The following RIMS2 variants were observed in gnomAD, a reference collection of about 807,000 sequenced individuals.
RIMS2 encodes the protein regulating synaptic membrane exocytosis protein 2.
Under a neutral mutation model 174.4 loss-of-function variants are expected in RIMS2, and 59 were observed. That is an observed-to-expected ratio of 0.34 (90% confidence interval 0.27 to 0.42). The LOEUF is 0.42. Ranked by LOEUF, RIMS2 falls within the 10% of genes least tolerant of loss-of-function variation. The probability of loss-of-function intolerance (pLI) is 1.00; values close to 1 mark genes in which losing one functional copy is unlikely to be tolerated. For missense variants in RIMS2, 1,620 were observed against 1,666.3 expected, an observed-to-expected ratio of 0.97 and a Z score of 0.48; for synonymous variants, 606 against 572.5, an observed-to-expected ratio of 1.06 and a Z score of -0.84.
At chr8:103,974,533 G>A (rs143712843) in intron 15 of RIMS2, among the ~76,000 whole-genome samples, 1 of 152,244 alleles carries the variant, frequency 6.6e-6, no homozygotes, top group African/African-American at 2.4e-5. Context: ...ACATTGAACT[G>A]TTGTTTTCCT....
chr8:104,113,233 T>G lies in RIMS2; in HGVS notation c.3334+98618T>G, dbSNP rs1260141719. Among the ~76,000 whole-genome samples the G allele has an allele frequency of 2.0e-5, 3 of 152,098 alleles. No individual in the cohort carries two copies. The East Asian group carries it at 5.8e-4, about 29-fold the overall frequency. Reference sequence around the variant, plus strand: ...GGGGGAGCTTTTTAAAAACATAAATTTTCTGGCCTTGACATGAGAATTCTA... The same window carrying G: ...GGGGGAGCTTTTTAAAAACATAAATGTTCTGGCCTTGACATGAGAATTCTA... On this transcript the variant is annotated intron_variant, in intron 19 of 23. Coordinates refer to ENST00000504942, the Ensembl canonical transcript of RIMS2.
intron 1 of RIMS2, among the ~76,000 whole-genome samples, chr8:103,558,942 A>G (rs1351390726): frequency 2.0e-5 from 3 of 151,924 alleles, no homozygotes; most frequent in Non-Finnish European, 2.9e-5. Flanking sequence ...GAGAGCATGC[A>G]TCATTTACAG....
At chr8:103,972,859 A>G (rs560617183) in intron 15 of RIMS2, among the ~76,000 whole-genome samples, 50 of 152,264 alleles carry the variant, frequency 3.3e-4, no homozygotes, top group Admixed American at 1.7e-3. Flanking sequence ...ATTTTACTAA[A>G]TGTATAGTAT....
chr8:103,693,757 T>C (rs960625450), intron 1 of RIMS2, among the ~76,000 whole-genome samples: 1 of 152,156 alleles, frequency 6.6e-6, no homozygotes, highest in Admixed American at 6.5e-5. Context: ...GTTGGGTTAG[T>C]CTTTGATCCT....
intron 1 of RIMS2, among the ~76,000 whole-genome samples, chr8:103,540,058 A>G (rs1261224190): frequency 6.6e-6 from 1 of 152,220 alleles, no homozygotes; most frequent in Non-Finnish European, 1.5e-5. Context: ...AGCATCATGT[A>G]CTATTTCCAA....
At chr8:103,927,931 A>G in intron 11 of RIMS2, 1 of 1,560,430 alleles carries the variant, frequency 6.4e-7, no homozygotes, top group East Asian at 2.3e-5. Flanking sequence ...AGTTGTGTTT[A>G]ACCCTATTTG....
At chr8:103,760,948 A>G (rs1564540397) in intron 2 of RIMS2, among the ~76,000 whole-genome samples, 1 of 152,234 alleles carries the variant, frequency 6.6e-6, no homozygotes. Flanking sequence ...TATGATTTCA[A>G]TTAATTTTTA....
chr8:103,562,714 A>G (rs2091784300), intron 1 of RIMS2, among the ~76,000 whole-genome samples: 1 of 151,718 alleles, frequency 6.6e-6, no homozygotes, highest in African/African-American at 2.4e-5. Flanking sequence ...CTGTGTGGAG[A>G]CTCCGACCCC....
At chr8:103,815,331 T>C (rs564945797) in intron 3 of RIMS2, among the ~76,000 whole-genome samples, 1 of 152,312 alleles carries the variant, frequency 6.6e-6, no homozygotes, top group East Asian at 1.9e-4. Context: ...ATTATTTTTA[T>C]TTGCATTCTT....
At chr8:104,005,897 A>G (rs2095558158) in intron 17 of RIMS2, among the ~76,000 whole-genome samples, 1 of 151,964 alleles carries the variant, frequency 6.6e-6, no homozygotes, top group Admixed American at 6.6e-5. Context: ...GTAAAGGACG[A>G]AAACAGTCTA....
chr8:104,172,957 C>T lies in RIMS2; in HGVS notation c.3335-71959C>T, dbSNP rs189904127. Among the ~76,000 whole-genome samples, 15 of 152,250 alleles carry T rather than the reference C, an allele frequency of 9.9e-5. No homozygotes were observed. In the East Asian group the frequency reaches 2.9e-3, roughly 29 times the overall value. On this transcript the variant is annotated intron_variant, in intron 19 of 23. Coordinates refer to ENST00000504942, the Ensembl canonical transcript of RIMS2. Reference sequence around the variant, plus strand: ...GCTACGTGAATTACATGAAGATTGCCCAGTCAAGAAGTTTGGCTCCATTGT... The same window carrying T: ...GCTACGTGAATTACATGAAGATTGCTCAGTCAAGAAGTTTGGCTCCATTGT...
intron 19 of RIMS2, among the ~76,000 whole-genome samples, chr8:104,126,282 T>G (rs1427697482): frequency 6.6e-6 from 1 of 152,162 alleles, no homozygotes. Context: ...GGAAAAATAG[T>G]TTTTTTACTG....
At chr8:103,662,484 A>G (rs1392711676) in intron 1 of RIMS2, among the ~76,000 whole-genome samples, 1 of 152,160 alleles carries the variant, frequency 6.6e-6, no homozygotes, top group East Asian at 1.9e-4. Flanking sequence ...TTACTCTCCA[A>G]TGTCTTTTTC....
intron 19 of RIMS2, among the ~76,000 whole-genome samples, chr8:104,056,131 G>T (rs993880125): frequency 6.6e-6 from 1 of 152,124 alleles, no homozygotes; most frequent in East Asian, 1.9e-4. Context: ...CCGGCCAGGC[G>T]TGGTGGCTCA....
At chr8:103,685,936 T>TGG (rs2096935498) in intron 1 of RIMS2, among the ~76,000 whole-genome samples, 1 of 152,188 alleles carries the variant, frequency 6.6e-6, no homozygotes. Context: ...TCTTAACAAT[T>TGG]TTAGTCTTGC....
intron 3 of RIMS2, among the ~76,000 whole-genome samples, chr8:103,877,229 A>G (rs1167287599): frequency 6.6e-6 from 1 of 151,628 alleles, no homozygotes; most frequent in Non-Finnish European, 1.5e-5. Flanking sequence ...TGATATTTTG[A>G]TTATGGCCAT....
At chr8:104,081,001 G>C (rs1001041249) in intron 19 of RIMS2, among the ~76,000 whole-genome samples, 1 of 151,942 alleles carries the variant, frequency 6.6e-6, no homozygotes, top group African/African-American at 2.4e-5. Flanking sequence ...CATAATCGTA[G>C]TTATTTTTTA....
At chr8:103,517,440 T>A (rs1439029758) in intron 1 of RIMS2, among the ~76,000 whole-genome samples, 1 of 151,980 alleles carries the variant, frequency 6.6e-6, no homozygotes, top group African/African-American at 2.4e-5. Context: ...AGCTAGTTGG[T>A]GAGAGTCAGT....
intron 19 of RIMS2, among the ~76,000 whole-genome samples, chr8:104,018,872 A>G (rs1486552727): frequency 1.3e-5 from 2 of 152,164 alleles, no homozygotes; most frequent in Non-Finnish European, 2.9e-5. Flanking sequence ...TTTATTGTCA[A>G]TCATAATTTC....
Sources: gnomAD v4.1 joint callset for allele counts (sites outside exome capture counted in the v4.1 genomes callset) on GRCh38, gnomAD v4.1.1 for gene constraint, MANE v1.5 for transcripts, NCBI Gene and HGNC (gene_info 2026-07-23, HGNC 2026-07-21) for gene names.